The following C1orf94 variants were observed in gnomAD, a reference collection of about 807,000 sequenced individuals.
The protein encoded by C1orf94 is uncharacterized protein C1orf94.
C1orf94 carries 45 observed loss-of-function variants against 53.6 expected under a neutral mutation model. The ratio of observed to expected loss-of-function variants is 0.84; its 90% confidence interval spans 0.66 to 1.08. The LOEUF (loss-of-function observed/expected upper bound fraction) is 1.08. C1orf94 is among the 50% of genes least tolerant of loss of function. The pLI is 0.00. For synonymous variants in C1orf94, 304 were observed against 296.1 expected (o/e 1.03, Z -0.27); for missense variants, 762 against 738.9 (o/e 1.03, Z -0.36).
intron 5 of C1orf94, among the ~76,000 whole-genome samples, chr1:34,209,394 C>A (rs952406290): frequency 9.1e-5 from 11 of 120,902 alleles, no homozygotes; most frequent in African/African-American, 2.6e-4. Context: ...CACAGGGACA[C>A]AAATAGATAC....
intron 1 of C1orf94, among the ~76,000 whole-genome samples, chr1:34,193,154 C>T (rs183880767): frequency 5.3e-5 from 8 of 152,048 alleles, no homozygotes; most frequent in South Asian, 2.1e-4. Context: ...TCGATGGCAG[C>T]GAAGTGTTTG....
chr1:34,190,960 G>C (rs1642471803), intron 1 of C1orf94, among the ~76,000 whole-genome samples: 1 of 152,168 alleles, frequency 6.6e-6, no homozygotes, highest in Non-Finnish European at 1.5e-5. Context: ...GGCTGGGCTT[G>C]GCTGAACTTG....
rs1013506182 is a variant in C1orf94 at position 34,177,201 on chromosome 1, G to C, written c.-589G>C. Among the ~76,000 whole-genome samples, 1 of 152,222 alleles carries C rather than the reference G, an allele frequency of 6.6e-6. No homozygotes were observed. The highest frequency in any genetic ancestry group is 2.4e-5 in the African/African-American group (1 of 41,476). ...CAGCAGCGGGAGACCGGGAGCAGGA[G>C]GGGTAGGGCGAGAGAAAAGCAGGAC... On this transcript the variant is annotated 5_prime_UTR_variant, in exon 1 of 7. Transcript: ENST00000488417.
chr1:34,201,917 T>C (rs912762312), intron 3 of C1orf94, among the ~76,000 whole-genome samples, 167 bp from the exon 4 acceptor site: 2 of 152,188 alleles, frequency 1.3e-5, no homozygotes, highest in African/African-American at 4.8e-5. Context: ...GAACTAATGA[T>C]GTTTACCTAT....
intron 5 of C1orf94, 147 bp from the exon 6 acceptor site, chr1:34,212,063 C>T (rs1402154510): frequency 1.7e-5 from 11 of 659,036 alleles, no homozygotes; most frequent in Non-Finnish European, 2.2e-5. Flanking sequence ...TAAGTTGAGC[C>T]CTAGGCTTTC....
chr1:34,182,520 T>C (rs1642326025), intron 1 of C1orf94, among the ~76,000 whole-genome samples: 1 of 152,250 alleles, frequency 6.6e-6, no homozygotes, highest in South Asian at 2.1e-4. Flanking sequence ...TCTGGGAAGA[T>C]ACTGTCAGAG....
rs549437784 is a variant in C1orf94, at chr1:34,177,794, G to A, written c.5G>A (p.Arg2Lys). Residue 2 changes from arginine to lysine, a missense_variant, in exon 1 of 7, where the codon AGG becomes AAG. Coordinates refer to ENST00000488417, the MANE Select transcript of C1orf94 (RefSeq NM_001134734.2). ...CCTCATCTCCCTTTCTGGTGAATGAGGGGTGGTGGTGGTTGTGTTCTAGCC... is the reference window on the plus strand; with the variant it reads ...CCTCATCTCCCTTTCTGGTGAATGAAGGGTGGTGGTGGTTGTGTTCTAGCC... M[R>K]GGGGCVLALG... 1.3e-6 allele frequency: 2 copies of A among 1,533,346 alleles called. No homozygotes were observed. Among genetic ancestry groups the A allele is most frequent in the African/African-American group, 1.4e-5 (1 of 72,700 alleles). The allele number at this position is 1,533,346 out of a possible 1,614,324, so 95.0% of individuals were successfully genotyped here. A position where few individuals can be genotyped will look rare whatever the true frequency, so the allele number is the denominator to read the frequency against.
intron 3 of C1orf94, among the ~76,000 whole-genome samples, chr1:34,201,500 G>C (rs1385668489): frequency 1.3e-5 from 2 of 152,170 alleles, no homozygotes; most frequent in Admixed American, 6.5e-5. Context: ...GAAGAATCCA[G>C]GATTCTGATC....
At chr1:34,202,456 C>A (rs1039946933) in intron 4 of C1orf94, among the ~76,000 whole-genome samples, 197 bp downstream of exon 4, 1 of 152,168 alleles carries the variant, frequency 6.6e-6, no homozygotes, top group Non-Finnish European at 1.5e-5. Flanking sequence ...TCATTGTAGT[C>A]ACATCAGATC....
intron 4 of C1orf94, among the ~76,000 whole-genome samples, chr1:34,207,913 G>T (rs949384961): frequency 6.6e-6 from 1 of 152,196 alleles, no homozygotes; most frequent in African/African-American, 2.4e-5. Flanking sequence ...AGGCAGTCAG[G>T]CTCCTGAAGC....
chr1:34,212,103 C>G (rs1253603869), intron 5 of C1orf94, 107 bp from the exon 6 acceptor site: 1 of 987,728 alleles, frequency 1.0e-6, no homozygotes, highest in Non-Finnish European at 1.5e-6. Context: ...TTCTGTGTAC[C>G]CAGCAGTGAC....
chr1:34,194,581 A>G (rs1642549767), intron 1 of C1orf94, among the ~76,000 whole-genome samples: 2 of 152,224 alleles, frequency 1.3e-5, no homozygotes, highest in Non-Finnish European at 2.9e-5. Context: ...TGATGACCCT[A>G]TGTAACCATT....
At position 34,197,322 on chromosome 1, in the gene C1orf94, A is replaced by C; in HGVS notation, c.418A>C (p.Ser140Arg). Residue 140 changes from serine to arginine, a missense_variant, in exon 2 of 7, where the codon AGT becomes CGT. Transcript: ENST00000488417. The surrounding 1 kb of genome is among the most constrained non-coding windows in gnomAD (Gnocchi z 4.1). The part of the protein sequence containing the change: ...TKEHSILVEE[S>R]SGELEVPGSS... ...AGAGCACTCGATCCTGGTCGAAGAGAGTTCTGGGGAGCTGGAGGTACCCGG... is the reference window on the plus strand; with the variant it reads ...AGAGCACTCGATCCTGGTCGAAGAGCGTTCTGGGGAGCTGGAGGTACCCGG... 1 of 1,573,268 alleles carries C rather than the reference A, an allele frequency of 6.4e-7. No homozygotes were observed. The highest frequency in any genetic ancestry group is 1.2e-5 in the South Asian group (1 of 86,832).
intron 1 of C1orf94, among the ~76,000 whole-genome samples, chr1:34,185,064 C>G (rs2148613219): frequency 6.6e-6 from 1 of 152,294 alleles, no homozygotes; most frequent in East Asian, 1.9e-4. Context: ...ATCCTCACAT[C>G]TCTCAGTATT....
At chr1:34,198,194 A>C (rs1244153534) in intron 2 of C1orf94, among the ~76,000 whole-genome samples, 2 of 152,368 alleles carry the variant, frequency 1.3e-5, no homozygotes, top group East Asian at 3.9e-4. Context: ...TAATTGGCTT[A>C]ACTTTGGAAT....
chr1:34,204,661 T>C (rs545039434), intron 4 of C1orf94, among the ~76,000 whole-genome samples: 1 of 152,308 alleles, frequency 6.6e-6, no homozygotes, highest in South Asian at 2.1e-4. Flanking sequence ...TACTCATTAA[T>C]TTAAGTAATT....
At chr1:34,209,222 A>G (rs1394437745) in intron 5 of C1orf94, among the ~76,000 whole-genome samples, 3 of 151,804 alleles carry the variant, frequency 2.0e-5, no homozygotes, top group African/African-American at 7.3e-5. Flanking sequence ...ATGCTTTACT[A>G]CATCTTGTAC....
chr1:34,168,741 TCC>T, intron 1 of C1orf94, among the ~76,000 whole-genome samples: 1 of 152,314 alleles, frequency 6.6e-6, no homozygotes, highest in Admixed American at 6.5e-5. Flanking sequence ...CATATCTGTG[TCC>T]AAACTTCTAA....
chr1:34,199,254 A>G (rs1318068743), intron 2 of C1orf94, among the ~76,000 whole-genome samples: 2 of 152,114 alleles, frequency 1.3e-5, no homozygotes, highest in African/African-American at 4.8e-5. Flanking sequence ...AGCTTCGTAG[A>G]TGTTTAAGGC....
Sources: gnomAD v4.1 joint callset for allele counts (sites outside exome capture counted in the v4.1 genomes callset) on GRCh38, gnomAD v4.1.1 for gene constraint, Gnocchi (gnomAD v3.1) non-coding constraint, MANE v1.5 for transcripts, NCBI Gene and HGNC (gene_info 2026-07-23, HGNC 2026-07-21) for gene names.